SNTB2: variants seen among roughly 807,000 people sequenced by gnomAD.
The protein encoded by SNTB2 is beta-2-syntrophin.
SNTB2 carries 34 observed loss-of-function variants against 46.2 expected under a neutral mutation model. That is an observed-to-expected ratio of 0.74 (90% CI 0.56 to 0.98). SNTB2 has a LOEUF of 0.98. Among genes scored for constraint, SNTB2 ranks in the 50% least tolerant of loss-of-function variants. The pLI is 0.00. For missense variants in SNTB2, 603 were observed against 731.4 expected, an observed-to-expected ratio of 0.82 and a Z score of 2.02; for synonymous variants, 290 against 312.6, an observed-to-expected ratio of 0.93 and a Z score of 0.76.
chr16:69,213,891 C>T (rs536760212), intron 1 of SNTB2, among the ~76,000 whole-genome samples: 15 of 128,708 alleles, frequency 1.2e-4, no homozygotes, highest in East Asian at 4.7e-4. Flanking sequence ...GGCATGATCT[C>T]GACTCACTGC....
intron 1 of SNTB2, among the ~76,000 whole-genome samples, chr16:69,196,876 A>C (rs1211921474): frequency 6.6e-6 from 1 of 152,340 alleles, no homozygotes; most frequent in East Asian, 1.9e-4. Flanking sequence ...CTGGTGGATC[A>C]GTTTGGGTTA....
intron 1 of SNTB2, among the ~76,000 whole-genome samples, chr16:69,211,832 T>C (rs1964290851): frequency 6.6e-6 from 1 of 152,242 alleles, no homozygotes; most frequent in Admixed American, 6.5e-5. Flanking sequence ...GTGTCCTTTC[T>C]TTAAGTTCTT....
intron 1 of SNTB2, among the ~76,000 whole-genome samples, chr16:69,215,832 C>G (rs150199805): frequency 1.6e-4 from 25 of 152,112 alleles, no homozygotes; most frequent in Non-Finnish European, 3.4e-4. Context: ...ATACAGGGTC[C>G]TGATCTGTCA....
intron 5 of SNTB2, among the ~76,000 whole-genome samples, chr16:69,286,804 A>G (rs1487958482): frequency 6.6e-6 from 1 of 152,052 alleles, no homozygotes; most frequent in Admixed American, 6.6e-5. Context: ...AGCCCATTTC[A>G]GGGCTGTAGT....
intron 1 of SNTB2, among the ~76,000 whole-genome samples, chr16:69,207,263 C>T (rs1201955656): frequency 2.7e-5 from 4 of 150,406 alleles, no homozygotes; most frequent in South Asian, 2.1e-4. Flanking sequence ...AAGTGATTCT[C>T]CTGCCTCGGC....
chr16:69,187,781 CGGCGG>C, intron 1 of SNTB2, 35 bp downstream of exon 1: 1 of 1,276,720 alleles, frequency 7.8e-7, no homozygotes, highest in Non-Finnish European at 1.0e-6. Flanking sequence ...GGGCAGGCCG[CGGCGG>C]CCTGGGCTCG....
In SNTB2 at chr16:69,251,064, C is replaced by T. The variant is rs774155640; in HGVS notation, c.794+5249C>T. Among the ~76,000 whole-genome samples, 767 of 148,068 alleles carry T rather than the reference C, an allele frequency of 5.2e-3. 7 individuals carry two copies. The highest frequency in any genetic ancestry group is 8.7e-3 in the Non-Finnish European group (579 of 66,290). On this transcript the variant is annotated intron_variant, in intron 2 of 6. Transcript: ENST00000336278. Reference sequence around the variant, plus strand: ...CGGGATCTCGGCTCACTGCAAGCTCCGCCTCCCGGGTTCACGCCATTCTCC... The same window carrying T: ...CGGGATCTCGGCTCACTGCAAGCTCTGCCTCCCGGGTTCACGCCATTCTCC...
intron 1 of SNTB2, among the ~76,000 whole-genome samples, chr16:69,235,053 C>T (rs908513207): frequency 6.6e-6 from 1 of 152,054 alleles, no homozygotes; most frequent in Admixed American, 6.6e-5. Context: ...GGAGTCTCTC[C>T]CAGGCTGGAG....
chr16:69,255,375 C>A (rs1327488743), intron 2 of SNTB2, among the ~76,000 whole-genome samples: 1 of 151,962 alleles, frequency 6.6e-6, no homozygotes, highest in East Asian at 1.9e-4. Context: ...ATCTGGCTAA[C>A]ATGGTGAAAC....
At chr16:69,225,150 C>CA (rs1236050198) in intron 1 of SNTB2, among the ~76,000 whole-genome samples, 1 of 152,018 alleles carries the variant, frequency 6.6e-6, no homozygotes, top group East Asian at 1.9e-4. Context: ...TTCTTTTATA[C>CA]AAAAAAGAGA....
At chr16:69,205,979 T>C (rs1964212489) in intron 1 of SNTB2, among the ~76,000 whole-genome samples, 1 of 152,160 alleles carries the variant, frequency 6.6e-6, no homozygotes, top group African/African-American at 2.4e-5. Flanking sequence ...GTAGGAACTC[T>C]TTGCTCCCAC....
At chr16:69,222,186 A>G (rs954990504) in intron 1 of SNTB2, among the ~76,000 whole-genome samples, 15 of 152,278 alleles carry the variant, frequency 9.9e-5, no homozygotes, top group Admixed American at 8.5e-4. Flanking sequence ...GTTATTTTCT[A>G]TTATTTCTGC....
chr16:69,220,222 C>T (rs545433077), intron 1 of SNTB2, among the ~76,000 whole-genome samples: 10 of 129,588 alleles, frequency 7.7e-5, no homozygotes, highest in Non-Finnish European at 1.2e-4. Context: ...AGTGCAGTGG[C>T]ATGATCTCGG....
intron 5 of SNTB2, among the ~76,000 whole-genome samples, chr16:69,287,306 A>T (rs1965113354): frequency 1.3e-5 from 2 of 152,138 alleles, no homozygotes. Flanking sequence ...GCGGTGGCTC[A>T]TGCCTGTAAT....
chr16:69,213,773 C>T (rs1019022991), intron 1 of SNTB2, among the ~76,000 whole-genome samples: 1 of 149,906 alleles, frequency 6.7e-6, no homozygotes, highest in Non-Finnish European at 1.5e-5. Flanking sequence ...ACTGGGATTA[C>T]AGGTGTGAGC....
At chr16:69,215,276 A>G (rs1328750569) in intron 1 of SNTB2, among the ~76,000 whole-genome samples, 1 of 152,154 alleles carries the variant, frequency 6.6e-6, no homozygotes, top group East Asian at 1.9e-4. Context: ...TCCCAGCTAC[A>G]CGGGAGGCTG....
chr16:69,220,191 C>CT (rs1176875338), intron 1 of SNTB2, among the ~76,000 whole-genome samples: 2 of 104,350 alleles, frequency 1.9e-5, no homozygotes, highest in Non-Finnish European at 3.5e-5. Context: ...GAGACAGAGT[C>CT]TTACTCGTTG....
intron 1 of SNTB2, among the ~76,000 whole-genome samples, chr16:69,193,876 G>C (rs1559411): frequency 0.33 from 50,273 of 151,986 alleles, 9,026 homozygotes; most frequent in African/African-American, 0.45. Flanking sequence ...CCCATTTCTT[G>C]TCATTGCAGT....
chr16:69,295,543 C>T (rs1965215667), intron 5 of SNTB2, among the ~76,000 whole-genome samples: 1 of 152,062 alleles, frequency 6.6e-6, no homozygotes, highest in African/African-American at 2.4e-5. Context: ...CCACCGCGCC[C>T]AGCCAACATA....
Sources: allele counts gnomAD v4.1 joint callset (sites outside exome capture counted in the v4.1 genomes callset), GRCh38; gene constraint gnomAD v4.1.1; transcripts MANE v1.5; gene names NCBI Gene and HGNC (gene_info 2026-07-23, HGNC 2026-07-21).